RIPK4: variants seen among roughly 807,000 people sequenced by gnomAD.
The protein encoded by RIPK4 is receptor interacting serine/threonine kinase 4, also known as receptor-interacting serine/threonine-protein kinase 4.
RIPK4 carries 17 observed loss-of-function variants against 42.9 expected under a neutral mutation model. The observed-to-expected ratio is 0.40, with a 90% confidence interval of 0.27 to 0.59. The LOEUF (loss-of-function observed/expected upper bound fraction) is 0.59, where lower values mean the gene tolerates loss of function less well. Ranked by LOEUF, RIPK4 falls within the 20% of genes least tolerant of loss-of-function variation. RIPK4 has a pLI of 0.47. For synonymous variants in RIPK4, 498 were observed against 499.1 expected (o/e 1.00, Z 0.03); for missense variants, 897 against 1,104.4 (o/e 0.81, Z 2.66).
In RIPK4 at chr21:41,741,026, C is replaced by T. The variant is rs2061151221; in HGVS notation, c.2167G>A (p.Val723Ile). 3 of 1,609,572 alleles carry T rather than the reference C, an allele frequency of 1.9e-6. No individual in the cohort carries two copies. The highest frequency in any genetic ancestry group is 2.2e-5 in the East Asian group (1 of 44,804). ...HGHSEVVEELVSADVIDLFDE... is the reference protein window; with the variant it reads ...HGHSEVVEELISADVIDLFDE... ...AACAGGTCAATGACATCGGCGCTGA[C>T]CAACTCCTCCACCACCTCCGAGTGC... Residue 723 changes from valine to isoleucine, a missense_variant, in exon 8 of 8, where the codon GTC (valine) becomes ATC (isoleucine). Val to Ile is a conservative substitution (Grantham distance 29). Coordinates refer to ENST00000332512, the MANE Select transcript of RIPK4 (RefSeq NM_020639.3).
intron 2 of RIPK4, among the ~76,000 whole-genome samples, chr21:41,752,203 T>C (rs1309973635): frequency 6.6e-6 from 1 of 152,194 alleles, no homozygotes; most frequent in Admixed American, 6.5e-5. Flanking sequence ...TGCTCTCAAC[T>C]TTCCTTCAAG....
chr21:41,757,457 G>A lies in RIPK4; in HGVS notation c.183-641C>T, dbSNP rs138873438. Among the ~76,000 whole-genome samples, 608 of 151,682 alleles carry A rather than the reference G, an allele frequency of 4.0e-3. 9 individuals carry two copies. Among genetic ancestry groups the A allele is most frequent in the African/African-American group, 0.014 (564 of 41,250 alleles). The stretch of plus-strand genomic sequence containing the variant: ...AAATCACTTGAACCAGGGAGGCAGA[G>A]GTTGCAGTGAGCTGAAATCATGCCA... On this transcript the variant is annotated intron_variant, in intron 1 of 7. Transcript: ENST00000332512.
At chr21:41,764,138 G>A (rs1488899624) in intron 1 of RIPK4, among the ~76,000 whole-genome samples, 3 of 152,150 alleles carry the variant, frequency 2.0e-5, no homozygotes, top group Middle Eastern at 3.2e-3. Context: ...TGGGAGCCTC[G>A]CTAAGTGTCT....
intron 6 of RIPK4, among the ~76,000 whole-genome samples, chr21:41,745,294 C>A (rs929952232): frequency 1.9e-4 from 29 of 152,340 alleles, no homozygotes; most frequent in Admixed American, 5.2e-4. Flanking sequence ...AGCCTCATCA[C>A]CCGAAAAGGC....
chr21:41,748,986 G>T (rs1264411017), intron 4 of RIPK4, among the ~76,000 whole-genome samples, 168 bp downstream of exon 4: 1 of 152,018 alleles, frequency 6.6e-6, no homozygotes, highest in Non-Finnish European at 1.5e-5. Flanking sequence ...CATTGAACAG[G>T]CCCCTTCAGA....
intron 3 of RIPK4, among the ~76,000 whole-genome samples, chr21:41,749,594 G>C (rs773252808): frequency 6.6e-6 from 1 of 152,180 alleles, no homozygotes; most frequent in Admixed American, 6.5e-5. Flanking sequence ...ATGAATGAAT[G>C]ATGGGCAACT....
intron 2 of RIPK4, among the ~76,000 whole-genome samples, chr21:41,752,819 G>A (rs1219815535): frequency 6.6e-6 from 1 of 152,158 alleles, no homozygotes; most frequent in Non-Finnish European, 1.5e-5. Context: ...GCCGGGCCCT[G>A]TCGGTGCGTA....
chr21:41,762,123 G>A (rs759983621), intron 1 of RIPK4, among the ~76,000 whole-genome samples: 9 of 152,180 alleles, frequency 5.9e-5, no homozygotes, highest in Non-Finnish European at 1.2e-4. Context: ...AGCCCGGCAC[G>A]ACTTCCCCCT....
At position 41,740,350 on chromosome 21, in the gene RIPK4, A is replaced by C; in HGVS notation, c.*488T>G. 8 of 154,614 alleles carry C rather than the reference A, an allele frequency of 5.2e-5. No homozygotes were observed. The highest frequency in any genetic ancestry group is 8.6e-5 in the Non-Finnish European group (6 of 69,816). 9.6% of individuals were successfully genotyped at this position (154,614 alleles called of 1,614,324 possible). On this transcript the variant is annotated 3_prime_UTR_variant, in exon 8 of 8. Transcript: ENST00000332512. Reference sequence around the variant, plus strand: ...GGTTTCAAGCAACAGCTGATAAGGTATTCATCTCTTAAGATATTTTATAAA... The same window carrying C: ...GGTTTCAAGCAACAGCTGATAAGGTCTTCATCTCTTAAGATATTTTATAAA...
At chr21:41,766,453 G>C (rs976715570) in intron 1 of RIPK4, among the ~76,000 whole-genome samples, 1 of 152,182 alleles carries the variant, frequency 6.6e-6, no homozygotes, top group South Asian at 2.1e-4. Flanking sequence ...GGTCCCGGGC[G>C]GGCCGGACGC....
chr21:41,746,411 G>C (rs1412744300), intron 5 of RIPK4, among the ~76,000 whole-genome samples: 2 of 152,256 alleles, frequency 1.3e-5, no homozygotes, highest in Admixed American at 1.3e-4. Context: ...AGGCAACTCA[G>C]TTCCAGCTGC....
intron 1 of RIPK4, 102 bp downstream of exon 1, chr21:41,766,758 G>A: frequency 1.6e-6 from 2 of 1,238,694 alleles, no homozygotes; most frequent in Admixed American, 2.5e-5. Context: ...CTGCTCCGGG[G>A]GTGAGTTCGG....
Position 41,741,352 on chromosome 21 carries a change from C to T in RIPK4, c.1841G>A (p.Arg614His), listed in dbSNP as rs767252739. The stretch of plus-strand genomic sequence containing the variant: ...GATGCGGGCCACGCGGTAGTGCCCG[C>T]GCTGTGCGGCCAGGTGCAATGGCGT... ...GRTPLHLAAQ[R>H]GHYRVARILI... The change falls in exon 8 of 8, where the codon CGC becomes CAC. Residue 614 changes from arginine (R) to histidine (H), a missense_variant. Coordinates refer to ENST00000332512, the MANE Select transcript of RIPK4 (RefSeq NM_020639.3). 78 of 1,611,038 alleles carry T rather than the reference C, an allele frequency of 4.8e-5. No individual in the cohort carries two copies. Among genetic ancestry groups the T allele is most frequent in the East Asian group, 2.7e-4 (12 of 44,880 alleles).
intron 1 of RIPK4, among the ~76,000 whole-genome samples, chr21:41,759,544 C>T (rs1226290651): frequency 6.6e-6 from 1 of 152,148 alleles, no homozygotes; most frequent in South Asian, 2.1e-4. Flanking sequence ...CCAGACAATT[C>T]CCCCAGAATC....
chr21:41,749,955 G>A (rs1180155483), intron 3 of RIPK4, among the ~76,000 whole-genome samples: 1 of 149,950 alleles, frequency 6.7e-6, no homozygotes, highest in Non-Finnish European at 1.5e-5. Context: ...AAGGAGCACT[G>A]AGTTGGTGAG....
At chr21:41,761,455 T>C (rs2061220015) in intron 1 of RIPK4, among the ~76,000 whole-genome samples, 1 of 152,244 alleles carries the variant, frequency 6.6e-6, no homozygotes, top group Non-Finnish European at 1.5e-5. Context: ...TGCTCAAATG[T>C]GGCCAGCTTG....
rs371444612 is a variant in RIPK4 at position 41,741,152 on chromosome 21, C to T, written c.2041G>A (p.Gly681Arg). ...YTALHLAARN[G>R]HLATVKLLVE... ...AGCAGCTTGACAGTGGCCAGGTGTC[C>T]GTTGCGGGCAGCCAGGTGCAGAGCG... The change falls in exon 8 of 8, where the codon GGA becomes AGA. Residue 681 changes from glycine (G) to arginine (R), a missense_variant. Gly to Arg is a moderately radical substitution (Grantham distance 125). Coordinates refer to ENST00000332512, the MANE Select transcript of RIPK4 (RefSeq NM_020639.3). 191 of 1,612,680 alleles carry T rather than the reference C, an allele frequency of 1.2e-4. No individual in the cohort carries two copies. The highest frequency in any genetic ancestry group is 1.2e-4 in the Non-Finnish European group (139 of 1,179,814).
At chr21:41,749,003 T>A in intron 4 of RIPK4, 151 bp downstream of exon 4, 1 of 778,020 alleles carries the variant, frequency 1.3e-6, no homozygotes, top group Non-Finnish European at 2.1e-6. Flanking sequence ...CAGATCTGTG[T>A]CTTTTCCTGC....
At chr21:41,756,122 A>T (rs1237274065) in intron 2 of RIPK4, among the ~76,000 whole-genome samples, 3 of 152,132 alleles carry the variant, frequency 2.0e-5, no homozygotes, top group Non-Finnish European at 4.4e-5. Context: ...GAGCTCCTGA[A>T]AACACTGAGG....
Sources: gnomAD v4.1 joint callset for allele counts (sites outside exome capture counted in the v4.1 genomes callset) on GRCh38, gnomAD v4.1.1 for gene constraint, MANE v1.5 for transcripts, NCBI Gene and HGNC (gene_info 2026-07-23, HGNC 2026-07-21) for gene names.